The following RBFOX3 variants were observed in gnomAD, a reference collection of about 807,000 sequenced individuals.
The protein encoded by RBFOX3 is RNA binding protein fox-1 homolog 3.
In RBFOX3, 17 loss-of-function variants were observed where a neutral mutation model predicts 48.7. The observed-to-expected ratio is 0.35, with a 90% CI of 0.24 to 0.52. RBFOX3 has a LOEUF of 0.52. Ranked by LOEUF, RBFOX3 falls within the 20% of genes least tolerant of loss-of-function variation. The probability of loss-of-function intolerance (pLI) is 0.94; values close to 1 mark genes in which losing one functional copy is unlikely to be tolerated. For missense variants in RBFOX3, 382 were observed against 497.5 expected (o/e 0.77, Z 2.21); for synonymous variants, 212 against 209.5 (o/e 1.01, Z -0.10).
At chr17:79,113,907 G>T (rs1297764937) in intron 5 of RBFOX3, among the ~76,000 whole-genome samples, 1 of 152,296 alleles carries the variant, frequency 6.6e-6, no homozygotes, top group African/African-American at 2.4e-5. Flanking sequence ...GGCTGTGTCT[G>T]GTGGCCCCAG....
chr17:79,402,055 T>C (rs1303869771), intron 2 of RBFOX3, among the ~76,000 whole-genome samples: 6 of 152,206 alleles, frequency 3.9e-5, no homozygotes, highest in Non-Finnish European at 8.8e-5. Context: ...GGGGACAATC[T>C]GTGGCCCACC....
In RBFOX3 at chr17:79,220,086, G is replaced by A. The variant is rs115935804; in HGVS notation, c.-34+15680C>T. On this transcript the variant is annotated intron_variant, in intron 4 of 14. Coordinates refer to ENST00000693108, the MANE Select transcript of RBFOX3 (RefSeq NM_001350451.2). This position sits in a 1 kb window ranked among gnomAD's most constrained non-coding sequence, Gnocchi z 5.9. The stretch of plus-strand genomic sequence containing the variant: ...GGCATGGCCTGGGAAGGCACGGGGT[G>A]GGGGGGTGGGGGGAGCACGCTGAGC... 4.4e-4 allele frequency among the ~76,000 whole-genome samples: 67 copies of A among 151,898 alleles called. No individual in the cohort carries two copies. The highest frequency in any genetic ancestry group is 1.5e-3 in the African/African-American group (64 of 41,428).
upstream of RBFOX3, among the ~76,000 whole-genome samples, chr17:79,614,088 C>T (rs907469806): frequency 0.11 from 16,250 of 152,284 alleles, 1,181 homozygotes; most frequent in African/African-American, 0.21. Flanking sequence ...AGTGGCGGCC[C>T]GCCCTCACGG....
rs989824749 is a variant in RBFOX3, at chr17:79,480,051, C to A, written c.-175+2403G>T. ...GGCACAGAGCGACCTGACCAGGAGC[C>A]GTAGTGGATGGCACACCAGTGCTGC... is the stretch of plus-strand genomic sequence containing the variant. On this transcript the variant is annotated intron_variant, in intron 2 of 14. Coordinates refer to ENST00000693108, the MANE Select transcript of RBFOX3 (RefSeq NM_001350451.2). This position sits in a 1 kb window ranked among gnomAD's most constrained non-coding sequence, Gnocchi z 4.8. Among the ~76,000 whole-genome samples, 2 of 152,184 alleles carry A rather than the reference C, an allele frequency of 1.3e-5. No homozygotes were observed. Among genetic ancestry groups the A allele is most frequent in the Admixed American group, 6.5e-5 (1 of 15,280 alleles).
chr17:79,354,114 C>T (rs905811679), intron 2 of RBFOX3, among the ~76,000 whole-genome samples: 4 of 152,204 alleles, frequency 2.6e-5, no homozygotes, highest in Non-Finnish European at 5.9e-5. Flanking sequence ...CTGTCCACAA[C>T]CGCCTCCAGA....
At chr17:79,170,004 G>A (rs1030302394) in intron 4 of RBFOX3, among the ~76,000 whole-genome samples, 4 of 150,660 alleles carry the variant, frequency 2.7e-5, no homozygotes, top group African/African-American at 9.8e-5. Flanking sequence ...AAAAGTGGGA[G>A]GAAAGAAGGA....
intron 3 of RBFOX3, among the ~76,000 whole-genome samples, chr17:79,262,473 A>G (rs2065944942): frequency 6.6e-6 from 1 of 152,374 alleles, no homozygotes; most frequent in Admixed American, 6.5e-5. Context: ...TTGAAGAACA[A>G]TCGATGGGTA....
chr17:79,440,227 G>A (rs2070580304), intron 2 of RBFOX3, among the ~76,000 whole-genome samples: 1 of 152,242 alleles, frequency 6.6e-6, no homozygotes, highest in African/African-American at 2.4e-5. Flanking sequence ...AGGGTTAATA[G>A]CGTCCGTCTG....
intron 4 of RBFOX3, among the ~76,000 whole-genome samples, chr17:79,226,072 A>G (rs1348375493): frequency 1.3e-5 from 2 of 152,158 alleles, no homozygotes; most frequent in African/African-American, 4.8e-5. Flanking sequence ...CTTTCTGGGG[A>G]GAATATTCCA....
At chr17:79,158,425 G>A (rs2046283811) in intron 4 of RBFOX3, among the ~76,000 whole-genome samples, 1 of 152,218 alleles carries the variant, frequency 6.6e-6, no homozygotes, top group African/African-American at 2.4e-5. Context: ...GTTAAGATGT[G>A]AAGAGCCTGG....
At chr17:79,173,314 C>T (rs1457929044) in intron 4 of RBFOX3, among the ~76,000 whole-genome samples, 3 of 152,200 alleles carry the variant, frequency 2.0e-5, no homozygotes, top group Non-Finnish European at 4.4e-5. Flanking sequence ...GCTTTGGAGC[C>T]TTTCACAGAG....
At chr17:79,340,198 C>T (rs2081842078) in intron 2 of RBFOX3, among the ~76,000 whole-genome samples, 1 of 151,560 alleles carries the variant, frequency 6.6e-6, no homozygotes, top group Non-Finnish European at 1.5e-5. Context: ...ACTTGGGAGG[C>T]TGAGGCAGGA....
At chr17:79,310,004 T>C (rs2076624094) in intron 2 of RBFOX3, among the ~76,000 whole-genome samples, 1 of 152,192 alleles carries the variant, frequency 6.6e-6, no homozygotes, top group Non-Finnish European at 1.5e-5. Flanking sequence ...CACAACGCCC[T>C]AAAACGGAAG....
At chr17:79,522,444 C>A (rs921993689) in intron 1 of RBFOX3, among the ~76,000 whole-genome samples, 1 of 152,130 alleles carries the variant, frequency 6.6e-6, no homozygotes, top group South Asian at 2.1e-4. Context: ...AGGGGCCATC[C>A]CCACCGCACA....
At chr17:79,573,376 G>A (rs2092746095) in intron 1 of RBFOX3, among the ~76,000 whole-genome samples, 1 of 152,226 alleles carries the variant, frequency 6.6e-6, no homozygotes, top group African/African-American at 2.4e-5. Flanking sequence ...GGACGACTCT[G>A]GGCTATGCAG....
chr17:79,652,599 G>GAGGAA, the RBFOX3 span, among the ~76,000 whole-genome samples: 1 of 5,052 alleles, frequency 2.0e-4, no homozygotes, highest in Non-Finnish European at 5.6e-4. Flanking sequence ...GAGGAGAGGA[G>GAGGAA]AGGAAAGGAA....
intron 4 of RBFOX3, among the ~76,000 whole-genome samples, chr17:79,182,214 T>C (rs2052159663): frequency 6.6e-6 from 1 of 152,130 alleles, no homozygotes; most frequent in South Asian, 2.1e-4. Context: ...GGCCCCAGGA[T>C]GAGCCTGAAG....
chr17:79,374,158 T>C (rs939286436), intron 2 of RBFOX3, among the ~76,000 whole-genome samples: 1 of 152,236 alleles, frequency 6.6e-6, no homozygotes, highest in African/African-American at 2.4e-5. Context: ...CCACCTCGCC[T>C]GGCTTTGTGA....
chr17:79,608,786 G>C (rs1454650225), intron 1 of RBFOX3, among the ~76,000 whole-genome samples: 2 of 152,096 alleles, frequency 1.3e-5, no homozygotes, highest in African/African-American at 4.8e-5. Context: ...GGTGAGCGAG[G>C]CGCCCACGCA....
Sources: allele counts gnomAD v4.1 joint callset (sites outside exome capture counted in the v4.1 genomes callset), GRCh38; gene constraint gnomAD v4.1.1; non-coding constraint Gnocchi (gnomAD v3.1); transcripts MANE v1.5; gene names NCBI Gene and HGNC (gene_info 2026-07-23, HGNC 2026-07-21).